The following NTAN1 variants were observed in gnomAD, a reference collection of about 807,000 sequenced individuals.
NTAN1 encodes the protein N-terminal asparagine amidase, also known as protein N-terminal asparagine amidohydrolase.
NTAN1 carries 32 observed loss-of-function variants against 41.9 expected under a neutral mutation model. The observed-to-expected ratio is 0.76, with a 90% CI of 0.58 to 1.03. The LOEUF (loss-of-function observed/expected upper bound fraction) is 1.03. NTAN1 is among the 50% of genes least tolerant of loss of function. The pLI is 0.00. For synonymous variants in NTAN1, 140 were observed against 139.5 expected (o/e 1.00, Z -0.03); for missense variants, 377 against 377.5 (o/e 1.00, Z 0.01).
chr16:15,046,946 C>T (rs1345633870), intron 4 of NTAN1, among the ~76,000 whole-genome samples: 3 of 152,202 alleles, frequency 2.0e-5, no homozygotes, highest in African/African-American at 7.2e-5. Context: ...TTCCTGGCCT[C>T]GTTTTCTCCA....
At chr16:15,039,589 C>T (rs1023287123) in intron 8 of NTAN1, among the ~76,000 whole-genome samples, 9 of 152,152 alleles carry the variant, frequency 5.9e-5, no homozygotes, top group Non-Finnish European at 8.8e-5. Context: ...TTCAGTGACC[C>T]GGTCCAAAAG....
At chr16:15,045,288 A>G (rs903756483) in intron 4 of NTAN1, 1 of 151,478 alleles carries the variant, frequency 6.6e-6, no homozygotes, top group Non-Finnish European at 1.5e-5. Flanking sequence ...ATCGAGCAAG[A>G]CTCCGTCTCA....
chr16:15,047,589 A>C, intron 3 of NTAN1, 39 bp from the exon 4 acceptor site: 1 of 1,424,400 alleles, frequency 7.0e-7, no homozygotes, highest in Non-Finnish European at 9.9e-7. Flanking sequence ...TTATTCCCTG[A>C]TGCGAGTGCA....
In NTAN1 at chr16:15,040,122, G is replaced by C. The variant is rs1020107059; in HGVS notation, c.542-56C>G. On this transcript the variant is annotated intron_variant, in intron 7 of 9. Coordinates refer to ENST00000287706, the MANE Select transcript of NTAN1 (RefSeq NM_173474.4). The stretch of plus-strand genomic sequence containing the variant: ...GACAAAAGACCAAAGCGGAAAGTCT[G>C]CACAGTCTTACATTTCTACCACCAC... 13 of 965,246 alleles carry C rather than the reference G, an allele frequency of 1.3e-5. No homozygotes were observed. In the African/African-American group the frequency reaches 2.1e-4, roughly 15 times the overall value. 59.8% of individuals were successfully genotyped at this position (965,246 alleles called of 1,614,324 possible).
At position 15,040,108 on chromosome 16, in the gene NTAN1, A is replaced by G. The variant is rs373489318; in HGVS notation, c.542-42T>C. 72 of 1,120,842 alleles carry G rather than the reference A, an allele frequency of 6.4e-5. No individual in the cohort carries two copies. The African/African-American group carries it at 1.1e-3, about 16-fold the overall frequency. 69.4% of individuals were successfully genotyped at this position (1,120,842 alleles called of 1,614,324 possible). A position where few individuals can be genotyped will look rare whatever the true frequency, so the allele number is the denominator to read the frequency against. On this transcript the variant is annotated intron_variant, in intron 7 of 9. Transcript: ENST00000287706. ...GATGACTCTGAATTGACAAAAGACC[A>G]AAGCGGAAAGTCTGCACAGTCTTAC...
chr16:15,039,225 C>G (rs1222316317), intron 8 of NTAN1, among the ~76,000 whole-genome samples: 1 of 152,214 alleles, frequency 6.6e-6, no homozygotes. Context: ...GTAACTGACA[C>G]TGAAATATGT....
Position 15,047,537 on chromosome 16 carries a change from GGT to G in NTAN1, c.262_263del (p.Thr88LeufsTer6). 6.2e-7 allele frequency: 1 copy of G among 1,613,308 alleles called. No homozygotes were observed. The highest frequency in any genetic ancestry group is 8.5e-7 in the Non-Finnish European group (1 of 1,179,218). On this transcript the variant is annotated frameshift_variant, in exon 4 of 10. Transcript: ENST00000287706. LOFTEE classifies it high-confidence loss of function. ...VVLRHTGNGA[T>X]CLTHCDGTDT... ...CGGTTCCGTCACAATGTGTCAAGCAGGTGGCCCCATTACCTGAAGAACAAGGG... is the reference window on the plus strand; with the variant it reads ...CGGTTCCGTCACAATGTGTCAAGCAGGGCCCCATTACCTGAAGAACAAGGG...
At chr16:15,054,643 C>T (rs2044427716) in intron 1 of NTAN1, among the ~76,000 whole-genome samples, 1 of 152,188 alleles carries the variant, frequency 6.6e-6, no homozygotes, top group Non-Finnish European at 1.5e-5. Flanking sequence ...TGTCTGCCTT[C>T]TCCCCGTCAG....
At position 15,039,132 on chromosome 16, in the gene NTAN1, A is replaced by C. The variant is rs190869369; in HGVS notation, c.640-445T>G. Among the ~76,000 whole-genome samples the C allele has an allele frequency of 3.9e-4, 59 of 152,334 alleles. No homozygotes were observed. The South Asian group carries it at 5.6e-3, about 14-fold the overall frequency. ...GTGCCTGCTGCCCCATCAAAAGAAGAAGCTAATTTGCCAAATGATCCAGTC... is the reference window on the plus strand; with the variant it reads ...GTGCCTGCTGCCCCATCAAAAGAAGCAGCTAATTTGCCAAATGATCCAGTC... On this transcript the variant is annotated intron_variant, in intron 8 of 9. Transcript: ENST00000287706.
intron 6 of NTAN1, 35 bp from the exon 7 acceptor site, chr16:15,041,156 A>T (rs749948294): frequency 8.0e-7 from 1 of 1,247,474 alleles, no homozygotes; most frequent in South Asian, 1.2e-5. Context: ...ACACTTTTTA[A>T]AGAAATACCA....
At chr16:15,038,464 C>G in intron 9 of NTAN1, 110 bp downstream of exon 9, 1 of 678,346 alleles carries the variant, frequency 1.5e-6, no homozygotes, top group Non-Finnish European at 2.6e-6. Context: ...CAAAAAGTTA[C>G]TACCCGCCAA....
chr16:15,049,850 G>A (rs1470092200), intron 1 of NTAN1, among the ~76,000 whole-genome samples: 1 of 152,192 alleles, frequency 6.6e-6, no homozygotes, highest in Admixed American at 6.5e-5. Context: ...GGGAAAAAGA[G>A]TTTTGAAATG....
rs1180047031 is a variant in NTAN1 at position 15,056,065 on chromosome 16, G to C, written c.-94C>G. 1 of 399,132 alleles carries C rather than the reference G, an allele frequency of 2.5e-6. No homozygotes were observed. Among genetic ancestry groups the C allele is most frequent in the East Asian group, 1.3e-4 (1 of 7,694 alleles). 24.7% of individuals were successfully genotyped at this position (399,132 alleles called of 1,614,324 possible). A position where few individuals can be genotyped will look rare whatever the true frequency, so the allele number is the denominator to read the frequency against. ...GCCGCCCCCGCCCCTCGGGCCGCGC[G>C]TCCCGCCTCGTCCTGCCCCGCCCCA... is the stretch of plus-strand genomic sequence containing the variant. On this transcript the variant is annotated 5_prime_UTR_variant, in exon 1 of 10. Transcript: ENST00000287706.
intron 1 of NTAN1, among the ~76,000 whole-genome samples, chr16:15,054,153 A>G (rs950783005): frequency 6.6e-6 from 1 of 152,160 alleles, no homozygotes; most frequent in Non-Finnish European, 1.5e-5. Flanking sequence ...CGGCTTGCCC[A>G]GCTGCGATGC....
intron 4 of NTAN1, chr16:15,045,581 G>A (rs1158929577): frequency 6.6e-6 from 1 of 152,448 alleles, no homozygotes. Context: ...AGACTAGCCT[G>A]GGTGACAGGG....
chr16:15,051,635 C>CCA (rs1338302657), intron 1 of NTAN1, among the ~76,000 whole-genome samples: 1 of 152,108 alleles, frequency 6.6e-6, no homozygotes, highest in African/African-American at 2.4e-5. Context: ...CAGGCGCACG[C>CCA]CACCACACTT....
chr16:15,038,067 A>G lies in NTAN1; in HGVS notation c.897T>C (p.Asp299=), dbSNP rs1185502612. The part of the protein sequence containing the change: ...NKALLYKKNE[D]GLWEKISSPG... ...GAGAAGAGATCTTTTCCCACAAGCCATCTTCATTTTTTTTGTAGAGTAGGG... is the reference window on the plus strand; with the variant it reads ...GAGAAGAGATCTTTTCCCACAAGCCGTCTTCATTTTTTTTGTAGAGTAGGG... Residue 299 remains aspartate, a synonymous_variant, in exon 10 of 10, where the codon GAT becomes GAC. Transcript: ENST00000287706. 2.5e-6 allele frequency: 4 copies of G among 1,612,452 alleles called. No individual in the cohort carries two copies. Among genetic ancestry groups the G allele is most frequent in the Non-Finnish European group, 3.4e-6 (4 of 1,179,418 alleles).
At chr16:15,046,178 C>T (rs2044053007) in intron 4 of NTAN1, 1 of 152,322 alleles carries the variant, frequency 6.6e-6, no homozygotes. Context: ...TCCATGAAGC[C>T]AGCCCAGCCT....
chr16:15,042,782 G>A (rs1387577614), intron 5 of NTAN1, among the ~76,000 whole-genome samples: 1 of 150,990 alleles, frequency 6.6e-6, no homozygotes, highest in Non-Finnish European at 1.5e-5. Flanking sequence ...ACCCAGGCTG[G>A]AGTGCAGTGG....
Sources: gnomAD v4.1 joint callset for allele counts (sites outside exome capture counted in the v4.1 genomes callset) on GRCh38, gnomAD v4.1.1 for gene constraint, MANE v1.5 for transcripts, NCBI Gene and HGNC (gene_info 2026-07-23, HGNC 2026-07-21) for gene names.